The following NFYC variants were observed in gnomAD, a reference collection of about 807,000 sequenced individuals.
NFYC encodes nuclear transcription factor Y subunit gamma.
In NFYC, 25 loss-of-function variants were observed where a neutral mutation model predicts 53.1. That is an observed-to-expected ratio of 0.47 (90% CI 0.34 to 0.66). The LOEUF (loss-of-function observed/expected upper bound fraction) is 0.66. Ranked by LOEUF, NFYC falls within the 30% of genes least tolerant of loss-of-function variation. The pLI is 0.01. For synonymous variants in NFYC, 145 were observed against 152.6 expected, an observed-to-expected ratio of 0.95 and a Z score of 0.37; for missense variants, 260 against 422.7, an observed-to-expected ratio of 0.62 and a Z score of 3.38.
At chr1:40,741,049 TC>T (rs1214951182) in intron 2 of NFYC, among the ~76,000 whole-genome samples, 2 of 152,192 alleles carry the variant, frequency 1.3e-5, no homozygotes, top group Non-Finnish European at 2.9e-5. Context: ...GAGAATTTTT[TC>T]ATATTGCAGT....
chr1:40,723,694 T>G (rs1644407050), intron 1 of NFYC: 1 of 152,216 alleles, frequency 6.6e-6, no homozygotes. Flanking sequence ...GACAGGATCT[T>G]GCTCTGCTGT....
intron 1 of NFYC, among the ~76,000 whole-genome samples, chr1:40,718,575 G>A (rs577495478): frequency 6.6e-6 from 1 of 152,316 alleles, no homozygotes; most frequent in East Asian, 1.9e-4. Context: ...TAAAATAGGT[G>A]AACACGGTCA....
chr1:40,704,572 T>G (rs1197355500), intron 1 of NFYC, among the ~76,000 whole-genome samples: 2 of 152,224 alleles, frequency 1.3e-5, no homozygotes, highest in Non-Finnish European at 2.9e-5. Context: ...TAATTTGGGT[T>G]CTCTTCCCAC....
intron 1 of NFYC, among the ~76,000 whole-genome samples, chr1:40,725,614 C>T (rs1030142918): frequency 6.6e-6 from 1 of 152,210 alleles, no homozygotes; most frequent in Non-Finnish European, 1.5e-5. Context: ...ATCCTACCCC[C>T]CTTTCCCTCA....
At chr1:40,734,340 C>CTTTATTTATTTATTTATTTA (rs34100786) in intron 1 of NFYC, among the ~76,000 whole-genome samples, 1 of 146,560 alleles carries the variant, frequency 6.8e-6, no homozygotes, top group African/African-American at 2.5e-5. Context: ...ACTACGGTTG[C>CTTTATTTATTTATTTATTTA]TTTATTTATT....
At chr1:40,742,260 A>G (rs889141901) in intron 2 of NFYC, among the ~76,000 whole-genome samples, 10 of 151,112 alleles carry the variant, frequency 6.6e-5, no homozygotes, top group Non-Finnish European at 1.3e-4. Flanking sequence ...GTATGTATAT[A>G]CCACATTTTG....
chr1:40,742,113 G>T (rs1645380887), intron 2 of NFYC, among the ~76,000 whole-genome samples: 2 of 151,460 alleles, frequency 1.3e-5, no homozygotes. Context: ...GTCTCACTAT[G>T]TTGCCTAGGC....
At chr1:40,704,643 A>G (rs1410350119) in intron 1 of NFYC, among the ~76,000 whole-genome samples, 1 of 152,216 alleles carries the variant, frequency 6.6e-6, no homozygotes, top group Non-Finnish European at 1.5e-5. Context: ...TTTTCCTTGC[A>G]AACTGCCAAG....
chr1:40,739,444 A>T (rs779745545), intron 2 of NFYC, among the ~76,000 whole-genome samples: 28 of 152,208 alleles, frequency 1.8e-4, no homozygotes, highest in Non-Finnish European at 3.8e-4. Flanking sequence ...TTTGGGCCAG[A>T]TAATTCTTTG....
chr1:40,762,831 A>G, intron 6 of NFYC, 57 bp from the exon 7 acceptor site: 1 of 1,439,926 alleles, frequency 6.9e-7, no homozygotes, highest in Non-Finnish European at 9.2e-7. Context: ...ACCTCTCGGT[A>G]ATCCTGTGGG....
At chr1:40,723,413 T>A (rs1326934104) in intron 1 of NFYC, 1 of 152,234 alleles carries the variant, frequency 6.6e-6, no homozygotes, top group Non-Finnish European at 1.5e-5. Flanking sequence ...CTACAAGGAT[T>A]TATTTACTCG....
chr1:40,734,340 C>CTTTA (rs34100786), intron 1 of NFYC, among the ~76,000 whole-genome samples: 30,503 of 146,448 alleles, frequency 0.21, 3,324 homozygotes, highest in African/African-American at 0.27. Context: ...ACTACGGTTG[C>CTTTA]TTTATTTATT....
intron 1 of NFYC, among the ~76,000 whole-genome samples, chr1:40,726,249 C>T (rs1644513439): frequency 6.6e-6 from 1 of 152,042 alleles, no homozygotes; most frequent in African/African-American, 2.4e-5. Context: ...TCCCAAGTAG[C>T]TGGGATTGCA....
intron 5 of NFYC, among the ~76,000 whole-genome samples, chr1:40,756,332 G>C (rs1646218764): frequency 6.6e-6 from 1 of 152,168 alleles, no homozygotes; most frequent in Non-Finnish European, 1.5e-5. Context: ...AAATAAAAGG[G>C]AATCTCCTTT....
intron 1 of NFYC, among the ~76,000 whole-genome samples, chr1:40,707,183 A>T (rs1017434430): frequency 1.3e-5 from 2 of 151,334 alleles, no homozygotes; most frequent in Admixed American, 6.6e-5. Flanking sequence ...AAAAAAAAAG[A>T]AAATTTTTTT....
At chr1:40,717,373 G>T (rs1324851303) in intron 1 of NFYC, among the ~76,000 whole-genome samples, 1 of 152,038 alleles carries the variant, frequency 6.6e-6, no homozygotes, top group East Asian at 1.9e-4. Flanking sequence ...TTACTTGCTT[G>T]GTTTTTTAGT....
chr1:40,767,551 C>T (rs1036778393), intron 8 of NFYC, among the ~76,000 whole-genome samples: 3 of 152,132 alleles, frequency 2.0e-5, no homozygotes, highest in African/African-American at 4.8e-5. Context: ...GCGGCTTTTC[C>T]GTAGCTGATA....
chr1:40,716,277 G>A (rs965401946), intron 1 of NFYC, among the ~76,000 whole-genome samples: 3 of 152,162 alleles, frequency 2.0e-5, no homozygotes, highest in African/African-American at 4.8e-5. Flanking sequence ...GGAGACGTTC[G>A]CTTAGGAATG....
intron 1 of NFYC, among the ~76,000 whole-genome samples, chr1:40,714,571 C>T (rs1339375892): frequency 6.6e-6 from 1 of 152,128 alleles, no homozygotes; most frequent in Admixed American, 6.6e-5. Context: ...ATAGACATAG[C>T]TGGATAGAAT....
Sources: gnomAD v4.1 joint callset for allele counts (sites outside exome capture counted in the v4.1 genomes callset) on GRCh38, gnomAD v4.1.1 for gene constraint, MANE v1.5 for transcripts, NCBI Gene and HGNC (gene_info 2026-07-23, HGNC 2026-07-21) for gene names.